The following FCRL3 variants were observed in gnomAD, a reference collection of about 807,000 sequenced individuals.
The protein encoded by FCRL3 is Fc receptor-like protein 3.
In FCRL3, 89 loss-of-function variants were observed where a neutral mutation model predicts 75.0. The observed-to-expected ratio is 1.19, with a 90% CI of 1.00 to 1.42. The LOEUF (loss-of-function observed/expected upper bound fraction) is 1.42, where lower values mean the gene tolerates loss of function less well. Among genes scored for constraint, FCRL3 ranks in the 40% most tolerant of loss-of-function variants. The pLI is 0.00. For synonymous variants in FCRL3, 376 were observed against 348.5 expected, an observed-to-expected ratio of 1.08 and a Z score of -0.88; for missense variants, 946 against 880.0, an observed-to-expected ratio of 1.07 and a Z score of -0.95.
At chr1:157,692,974 A>T (rs1463735943) in intron 8 of FCRL3, among the ~76,000 whole-genome samples, 1 of 152,194 alleles carries the variant, frequency 6.6e-6, no homozygotes, top group Non-Finnish European at 1.5e-5. Flanking sequence ...AACATGTTCG[A>T]TAGAAATTCA....
At position 157,677,797 on chromosome 1, in the gene FCRL3, G is replaced by A; in HGVS notation, c.*913C>T. ...AAACTAATATAAAAACATATTTAAG[G>A]AAAACATGTAGATACATTAATATGA... On this transcript the variant is annotated 3_prime_UTR_variant, in exon 15 of 15. Transcript: ENST00000368184. 1 of 489,796 alleles carries A rather than the reference G, an allele frequency of 2.0e-6. No homozygotes were observed. The allele number at this position is 489,796 out of a possible 1,614,324, so 30.3% of individuals were successfully genotyped here. A position where few individuals can be genotyped will look rare whatever the true frequency, so the allele number is the denominator to read the frequency against.
chr1:157,678,075 A>T lies in FCRL3; in HGVS notation c.*635T>A. The T allele has an allele frequency of 1.0e-6, 1 of 985,792 alleles. No individual in the cohort carries two copies. Among genetic ancestry groups the T allele is most frequent in the African/African-American group, 1.7e-5 (1 of 57,358 alleles). 61.1% of individuals were successfully genotyped at this position (985,792 alleles called of 1,614,324 possible). On this transcript the variant is annotated 3_prime_UTR_variant, in exon 15 of 15. Coordinates refer to ENST00000368184, the MANE Select transcript of FCRL3 (RefSeq NM_052939.4). Reference sequence around the variant, plus strand: ...CACACATAAGGTCTTTGCAGTGGGGATACAAGTCACATATTAAACTAGCAG... The same window carrying T: ...CACACATAAGGTCTTTGCAGTGGGGTTACAAGTCACATATTAAACTAGCAG...
At chr1:157,683,148 A>C (rs2101592657) in intron 11 of FCRL3, 69 bp downstream of exon 11, 1 of 1,516,052 alleles carries the variant, frequency 6.6e-7, no homozygotes, top group Non-Finnish European at 8.9e-7. Flanking sequence ...TTAAAAAAAA[A>C]CATAAACAAG....
rs781574003 is a variant in FCRL3, at chr1:157,689,849, G to A, written c.1759C>T (p.Leu587Phe). ...TGCAGCAGAGCAGCAGCAGCAGCAA[G>A]GACGAGGATGCTGAGCACCAGCCCC... ...ITGLVLSILV[L>F]AAAAALLHYA... is the part of the protein sequence containing the mutation. Residue 587 changes from leucine (L) to phenylalanine (F), a missense_variant, in exon 10 of 15, where the codon CTT (leucine) becomes TTT (phenylalanine). Transcript: ENST00000368184. The A allele has an allele frequency of 7.4e-6, 12 of 1,614,040 alleles. No homozygotes were observed. The Admixed American group carries it at 1.8e-4, about 25-fold the overall frequency.
At chr1:157,693,828 G>A (rs1329791904) in intron 8 of FCRL3, among the ~76,000 whole-genome samples, 1 of 151,592 alleles carries the variant, frequency 6.6e-6, no homozygotes, top group East Asian at 1.9e-4. Flanking sequence ...GCTCACTGCA[G>A]TCTCAACCTC....
chr1:157,677,870 T>G lies in FCRL3; in HGVS notation c.*840A>C. 1.2e-6 allele frequency: 1 copy of G among 825,202 alleles called. No individual in the cohort carries two copies. Among genetic ancestry groups the G allele is most frequent in the Non-Finnish European group, 1.5e-6 (1 of 684,528 alleles). 51.1% of individuals were successfully genotyped at this position (825,202 alleles called of 1,614,324 possible). On this transcript the variant is annotated 3_prime_UTR_variant, in exon 15 of 15. Coordinates refer to ENST00000368184, the MANE Select transcript of FCRL3 (RefSeq NM_052939.4). Reference sequence around the variant, plus strand: ...TAATGAACATGAGATTTAGAATGGTTTTTTATCAGATGGAGTGAGGTAGAG... The same window carrying G: ...TAATGAACATGAGATTTAGAATGGTGTTTTATCAGATGGAGTGAGGTAGAG...
chr1:157,696,173 T>C lies in FCRL3; in HGVS notation c.999A>G (p.Arg333=), dbSNP rs764941090. 2 of 1,614,074 alleles carry C rather than the reference T, an allele frequency of 1.2e-6. No individual in the cohort carries two copies. The highest frequency in any genetic ancestry group is 1.7e-6 in the Non-Finnish European group (2 of 1,180,026). ...CTGCCAACAGGGAACGCTGGGTCTT[T>C]CTACCCAGGCTTCTTACTCTTCCTT... ...HKEGRVRSLG[R]KTQRSLLAEL... The change falls in exon 7 of 15, where the codon AGA becomes AGG. Residue 333 remains arginine (R), a synonymous_variant. Coordinates refer to ENST00000368184, the MANE Select transcript of FCRL3 (RefSeq NM_052939.4).
In FCRL3 at chr1:157,676,665, T is replaced by G; in HGVS notation, c.*2045A>C. On this transcript the variant is annotated 3_prime_UTR_variant, in exon 15 of 15. Coordinates refer to ENST00000368184, the MANE Select transcript of FCRL3 (RefSeq NM_052939.4). ...CATTTGTTATATCCGAGATGTACAG[T>G]TAGGACTCACCCCTTCTTCCACTCA... 2 of 1,502,286 alleles carry G rather than the reference T, an allele frequency of 1.3e-6. No homozygotes were observed. The highest frequency in any genetic ancestry group is 1.8e-6 in the Non-Finnish European group (2 of 1,103,344). 93.1% of individuals were successfully genotyped at this position (1,502,286 alleles called of 1,614,324 possible).
At chr1:157,691,748 G>C (rs373518738) in intron 8 of FCRL3, 7 of 152,110 alleles carry the variant, frequency 4.6e-5, no homozygotes, top group Non-Finnish European at 8.8e-5. Flanking sequence ...CTGGGTGTTC[G>C]TATTCTGGAA....
At chr1:157,695,829 A>G (rs569254306) in intron 7 of FCRL3, 4 of 702,778 alleles carry the variant, frequency 5.7e-6, no homozygotes, top group Non-Finnish European at 9.3e-6. Flanking sequence ...CCCCGCAAGA[A>G]GTAAGGTGCT....
chr1:157,688,254 A>G (rs1297779590), intron 10 of FCRL3, among the ~76,000 whole-genome samples: 11 of 152,164 alleles, frequency 7.2e-5, no homozygotes, highest in Admixed American at 6.5e-4. Context: ...GGATGGAAAA[A>G]AATCACATGC....
chr1:157,697,038 C>T (rs767639790), intron 6 of FCRL3, 102 bp downstream of exon 6: 74 of 1,135,164 alleles, frequency 6.5e-5, no homozygotes, highest in Non-Finnish European at 8.3e-5. Context: ...AATAGCTGGA[C>T]ACTCCTCTCT....
intron 5 of FCRL3, 75 bp downstream of exon 5, chr1:157,697,584 C>T: frequency 2.0e-6 from 3 of 1,522,682 alleles, no homozygotes; most frequent in Non-Finnish European, 2.7e-6. Context: ...TTATGAAATT[C>T]CCACTGATAA....
intron 8 of FCRL3, among the ~76,000 whole-genome samples, chr1:157,694,753 G>A (rs916998584): frequency 6.6e-5 from 10 of 152,104 alleles, no homozygotes; most frequent in Admixed American, 1.3e-4. Context: ...GATTAAATGA[G>A]ACCCAATCAG....
At position 157,677,944 on chromosome 1, in the gene FCRL3, G is replaced by C; in HGVS notation, c.*766C>G. ...AGATATAGTAGGTTATTGTCTCGGG[G>C]TTAATGGGTGCTTATAAGAATAAAA... On this transcript the variant is annotated 3_prime_UTR_variant, in exon 15 of 15. Transcript: ENST00000368184. 1 of 984,698 alleles carries C rather than the reference G, an allele frequency of 1.0e-6. No individual in the cohort carries two copies. Among genetic ancestry groups the C allele is most frequent in the East Asian group, 1.1e-4 (1 of 8,810 alleles). The allele number at this position is 984,698 out of a possible 1,614,324, so 61.0% of individuals were successfully genotyped here. A position where few individuals can be genotyped will look rare whatever the true frequency, so the allele number is the denominator to read the frequency against.
chr1:157,681,812 C>T (rs1025500765), intron 11 of FCRL3, among the ~76,000 whole-genome samples: 11 of 152,078 alleles, frequency 7.2e-5, no homozygotes, highest in Non-Finnish European at 7.4e-5. Context: ...CCTGAGGAAT[C>T]GCCACACTGA....
chr1:157,695,182 A>G, intron 8 of FCRL3, 147 bp downstream of exon 8: 1 of 791,078 alleles, frequency 1.3e-6, no homozygotes, highest in Non-Finnish European at 2.1e-6. Flanking sequence ...TGTAATCACT[A>G]GGAAGAATCC....
Position 157,678,481 on chromosome 1 carries a change from T to C in FCRL3, c.*229A>G. On this transcript the variant is annotated 3_prime_UTR_variant, in exon 15 of 15. Transcript: ENST00000368184. ...GAGGGCCCTCCTGCCTTGCCACGTG[T>C]CTCCACTGTGAAAATAACACAGTGC... The C allele has an allele frequency of 3.6e-6, 5 of 1,387,340 alleles. No individual in the cohort carries two copies. Among genetic ancestry groups the C allele is most frequent in the Non-Finnish European group, 4.7e-6 (5 of 1,070,864 alleles). The allele number at this position is 1,387,340 out of a possible 1,614,324, so 85.9% of individuals were successfully genotyped here.
chr1:157,692,844 T>C (rs2101614178), intron 8 of FCRL3, among the ~76,000 whole-genome samples: 1 of 152,316 alleles, frequency 6.6e-6, no homozygotes, highest in East Asian at 1.9e-4. Flanking sequence ...AAATAGTTGT[T>C]TAAAAATATT....
Sources: allele counts gnomAD v4.1 joint callset (sites outside exome capture counted in the v4.1 genomes callset), GRCh38; gene constraint gnomAD v4.1.1; transcripts MANE v1.5; gene names NCBI Gene and HGNC (gene_info 2026-07-23, HGNC 2026-07-21).